Variants in ADAMTS18 observed in about 807,000 individuals in gnomAD.
ADAMTS18 encodes ADAM metallopeptidase with thrombospondin type 1 motif 18.
Under a neutral mutation model 165.9 loss-of-function variants are expected in ADAMTS18, and 157 were observed. The observed-to-expected ratio is 0.95, with a 90% CI of 0.83 to 1.08. The LOEUF (loss-of-function observed/expected upper bound fraction) is 1.08. Ranked by LOEUF, ADAMTS18 falls within the 50% of genes least tolerant of loss-of-function variation. The pLI is 0.00. For synonymous variants in ADAMTS18, 782 were observed against 578.2 expected, an observed-to-expected ratio of 1.35 and a Z score of -5.06; for missense variants, 2,040 against 1,534.0, an observed-to-expected ratio of 1.33 and a Z score of -5.51.
In ADAMTS18 at chr16:77,293,764, C is replaced by A. The variant is rs1428845; in HGVS notation, c.3007-506G>T. The stretch of plus-strand genomic sequence containing the variant: ...TGAGATTCTCATAAGTAACATGCAT[C>A]CTAGATCCGTCACCTGTGCAGTTCA... On this transcript the variant is annotated intron_variant, in intron 19 of 22. Coordinates refer to ENST00000282849, the MANE Select transcript of ADAMTS18 (RefSeq NM_199355.4). Among the ~76,000 whole-genome samples the A allele has an allele frequency of 5.2e-3, 779 of 148,786 alleles. 11 individuals carry two copies. The highest frequency in any genetic ancestry group is 0.018 in the African/African-American group (738 of 40,102).
chr16:77,334,450 T>G (rs2056255261), intron 12 of ADAMTS18, among the ~76,000 whole-genome samples: 1 of 112,258 alleles, frequency 8.9e-6, no homozygotes, highest in Non-Finnish European at 1.6e-5. Flanking sequence ...ATAGTATATA[T>G]TATATAGTAT....
At chr16:77,382,598 T>C (rs542611797) in intron 3 of ADAMTS18, among the ~76,000 whole-genome samples, 3 of 152,294 alleles carry the variant, frequency 2.0e-5, no homozygotes, top group East Asian at 1.9e-4. Context: ...CTAGGGAAGA[T>C]GAAAGAAAGC....
At chr16:77,377,018 T>C (rs773172309) in intron 3 of ADAMTS18, among the ~76,000 whole-genome samples, 1 of 152,118 alleles carries the variant, frequency 6.6e-6, no homozygotes, top group Non-Finnish European at 1.5e-5. Flanking sequence ...TTTCATCACA[T>C]TGGCCAGGCT....
intron 10 of ADAMTS18, among the ~76,000 whole-genome samples, chr16:77,353,520 C>G (rs1259188515): frequency 1.3e-5 from 2 of 152,120 alleles, no homozygotes; most frequent in Admixed American, 1.3e-4. Context: ...TTCTACCAAG[C>G]AGTATTTAAA....
At position 77,371,498 on chromosome 16, in the gene ADAMTS18, T is replaced by C. The variant is rs145108763; in HGVS notation, c.496-3775A>G. On this transcript the variant is annotated intron_variant, in intron 3 of 22. Transcript: ENST00000282849. ...TCTACTCATCTACAGCCTATTAATT[T>C]TTAACAAAGGCACTAAAAACACAGT... Among the ~76,000 whole-genome samples, 19 of 152,248 alleles carry C rather than the reference T, an allele frequency of 1.2e-4. No homozygotes were observed. In the East Asian group the frequency reaches 1.7e-3, roughly 14 times the overall value.
intron 16 of ADAMTS18, among the ~76,000 whole-genome samples, chr16:77,313,701 G>A (rs2055827934): frequency 6.6e-6 from 1 of 152,074 alleles, no homozygotes. Flanking sequence ...TCCCTATTCA[G>A]GTTCACTTTC....
intron 16 of ADAMTS18, among the ~76,000 whole-genome samples, chr16:77,315,940 C>G (rs986081786): frequency 6.6e-6 from 1 of 152,054 alleles, no homozygotes; most frequent in African/African-American, 2.4e-5. Flanking sequence ...GGAATTTTTC[C>G]CCATCCCTAA....
At chr16:77,344,136 T>G (rs913694454) in intron 10 of ADAMTS18, among the ~76,000 whole-genome samples, 1 of 141,130 alleles carries the variant, frequency 7.1e-6, no homozygotes, top group Non-Finnish European at 1.5e-5. Context: ...TATACATACA[T>G]ATATATGTAT....
intron 12 of ADAMTS18, among the ~76,000 whole-genome samples, chr16:77,334,818 A>G (rs1461952142): frequency 8.1e-6 from 1 of 123,192 alleles, no homozygotes; most frequent in Non-Finnish European, 1.6e-5. Context: ...TATACAGTAT[A>G]TATACTATAT....
At chr16:77,362,084 A>G in intron 7 of ADAMTS18, 21 bp downstream of exon 7, 1 of 1,613,710 alleles carries the variant, frequency 6.2e-7, no homozygotes, top group Non-Finnish European at 8.5e-7. Flanking sequence ...GGTGTGTGTG[A>G]AGGATCTGTT....
intron 3 of ADAMTS18, among the ~76,000 whole-genome samples, chr16:77,380,315 T>A (rs1165963146): frequency 6.6e-6 from 1 of 152,244 alleles, no homozygotes; most frequent in Non-Finnish European, 1.5e-5. Flanking sequence ...TAGCAGCTCT[T>A]AATAGATATT....
chr16:77,339,729 C>G (rs1055823074), intron 11 of ADAMTS18, among the ~76,000 whole-genome samples: 1 of 151,972 alleles, frequency 6.6e-6, no homozygotes, highest in African/African-American at 2.4e-5. Context: ...TCATCATGGC[C>G]CCAACATTTC....
At chr16:77,389,073 G>C (rs987245908) in intron 3 of ADAMTS18, among the ~76,000 whole-genome samples, 2 of 152,204 alleles carry the variant, frequency 1.3e-5, no homozygotes, top group Non-Finnish European at 2.9e-5. Flanking sequence ...GCCAAGGTTG[G>C]TGGATAGTTT....
chr16:77,355,979 C>T lies in ADAMTS18; in HGVS notation c.1421G>A (p.Trp474Ter). Residue 474 changes from tryptophan to a stop codon, truncating the protein, a stop_gained, in exon 9 of 23, where the codon TGG (tryptophan) becomes TAG (stop). Transcript: ENST00000282849. LOFTEE classifies it high-confidence loss of function. ...GAGATACTGGCGGCTGCAGGAAGAC[C>T]ATGAAAACACTCCATTGTTTCCGGT... Reference protein sequence around the residue: ...TLTGNNGVFSWSSCSRQYLKK... With the variant: ...TLTGNNGVFS 1 of 1,614,080 alleles carries T rather than the reference C, an allele frequency of 6.2e-7. No homozygotes were observed. Among genetic ancestry groups the T allele is most frequent in the Non-Finnish European group, 8.5e-7 (1 of 1,179,980 alleles).
intron 3 of ADAMTS18, among the ~76,000 whole-genome samples, chr16:77,418,263 T>C (rs2057555680): frequency 6.6e-6 from 1 of 152,182 alleles, no homozygotes; most frequent in Non-Finnish European, 1.5e-5. Context: ...TTATTCATAA[T>C]GACAATGAAA....
At chr16:77,389,372 A>G (rs1460308642) in intron 3 of ADAMTS18, among the ~76,000 whole-genome samples, 1 of 152,202 alleles carries the variant, frequency 6.6e-6, no homozygotes, top group Admixed American at 6.5e-5. Flanking sequence ...ATTATAGCTT[A>G]AGTGAGGGGG....
At position 77,327,753 on chromosome 16, in the gene ADAMTS18, A is replaced by G. The variant is rs2056120706; in HGVS notation, c.1860-1715T>C. 2.0e-5 allele frequency among the ~76,000 whole-genome samples: 3 copies of G among 152,150 alleles called. No individual in the cohort carries two copies. In the South Asian group the frequency reaches 6.2e-4, roughly 31 times the overall value. On this transcript the variant is annotated intron_variant, in intron 12 of 22. Transcript: ENST00000282849. Reference sequence around the variant, plus strand: ...ACATGCACATACCCTATCTCTTGGCATCAGAAGCTGTTCAAACATGGACCC... The same window carrying G: ...ACATGCACATACCCTATCTCTTGGCGTCAGAAGCTGTTCAAACATGGACCC...
Position 77,319,885 on chromosome 16 carries a change from G to A in ADAMTS18, c.2496C>T (p.Tyr832=), listed in dbSNP as rs141347951. The change falls in exon 16 of 23, where the codon TAC becomes TAT. Residue 832 remains tyrosine (Y), a synonymous_variant. Coordinates refer to ENST00000282849, the MANE Select transcript of ADAMTS18 (RefSeq NM_199355.4). ...GCGTCTCATTTGTGGGCCCTGGCGC[G>A]TACAGACGTTCCGGGCGGTTGAAAG... ...QRSFNRPERL[Y]APGPTNETLV... is the part of the protein sequence containing the mutation. The A allele has an allele frequency of 8.1e-5, 131 of 1,614,196 alleles. 1 individual carries two copies. In the Admixed American group the frequency reaches 1.8e-3, roughly 22 times the overall value.
chr16:77,325,721 G>C (rs1448470947), intron 13 of ADAMTS18, 145 bp downstream of exon 13: 2 of 797,504 alleles, frequency 2.5e-6, no homozygotes, highest in Non-Finnish European at 3.8e-6. Flanking sequence ...AAAACCCATG[G>C]AATGAAACAC....
Sources: allele counts gnomAD v4.1 joint callset (sites outside exome capture counted in the v4.1 genomes callset), GRCh38; gene constraint gnomAD v4.1.1; transcripts MANE v1.5; gene names NCBI Gene and HGNC (gene_info 2026-07-23, HGNC 2026-07-21).